The following SH3GL2 variants were observed in gnomAD, a reference collection of about 807,000 sequenced individuals.
SH3GL2 encodes SH3 domain containing GRB2 like 2, endophilin A1, also known as endophilin-A1.
A neutral mutation model predicts 46.0 loss-of-function variants in SH3GL2; 24 were observed. The ratio of observed to expected loss-of-function variants is 0.52; its 90% CI spans 0.38 to 0.73. The LOEUF (loss-of-function observed/expected upper bound fraction) is 0.73, where lower values mean the gene tolerates loss of function less well. SH3GL2 is among the 30% of genes least tolerant of loss of function. The pLI is 0.00. For missense variants in SH3GL2, 413 were observed against 424.2 expected (o/e 0.97, Z 0.23); for synonymous variants, 196 against 147.1 (o/e 1.33, Z -2.40).
intron 1 of SH3GL2, among the ~76,000 whole-genome samples, chr9:17,600,096 T>G (rs1202338658): frequency 6.6e-6 from 1 of 152,170 alleles, no homozygotes; most frequent in African/African-American, 2.4e-5. Context: ...GTTGGGATGT[T>G]TGAAATATTC....
intron 8 of SH3GL2, 53 bp from the exon 9 acceptor site, chr9:17,795,491 A>T (rs750944116): frequency 3.4e-6 from 5 of 1,456,048 alleles, no homozygotes; most frequent in Non-Finnish European, 4.8e-6. Flanking sequence ...TCTGTGAGTT[A>T]AATACCCCTT....
chr9:17,597,188 C>G (rs182652452), intron 1 of SH3GL2, among the ~76,000 whole-genome samples: 1 of 152,142 alleles, frequency 6.6e-6, no homozygotes. Context: ...TGCAAAACTT[C>G]GGGTTTTGGT....
intron 3 of SH3GL2, among the ~76,000 whole-genome samples, chr9:17,769,578 G>C (rs945896566): frequency 6.6e-6 from 1 of 152,036 alleles, no homozygotes; most frequent in Non-Finnish European, 1.5e-5. Context: ...TCCAGCTCCT[G>C]TTAATGTCTG....
chr9:17,768,095 G>C (rs575199714), intron 3 of SH3GL2, among the ~76,000 whole-genome samples: 1 of 152,210 alleles, frequency 6.6e-6, no homozygotes, highest in East Asian at 1.9e-4. Context: ...ATCAGGGCTG[G>C]GCACAGTAGC....
chr9:17,608,428 C>T (rs564950837), intron 1 of SH3GL2, among the ~76,000 whole-genome samples: 20 of 152,224 alleles, frequency 1.3e-4, no homozygotes, highest in East Asian at 3.9e-4. Context: ...TTCCTCTTAA[C>T]GGTCAAATCT....
intron 1 of SH3GL2, among the ~76,000 whole-genome samples, chr9:17,743,956 A>ATCACAGG (rs1190379877): frequency 6.6e-6 from 1 of 152,214 alleles, no homozygotes; most frequent in Non-Finnish European, 1.5e-5. Context: ...GAAATTAAAT[A>ATCACAGG]TCACAGGTCA....
At chr9:17,761,254 G>C (rs2131151345) in intron 2 of SH3GL2, among the ~76,000 whole-genome samples, 183 bp from the exon 3 acceptor site, 1 of 152,240 alleles carries the variant, frequency 6.6e-6, no homozygotes, top group East Asian at 1.9e-4. Flanking sequence ...TCCACATCTT[G>C]GCAGACCACT....
chr9:17,717,054 G>A (rs1053283001), intron 1 of SH3GL2, among the ~76,000 whole-genome samples: 3 of 152,028 alleles, frequency 2.0e-5, no homozygotes, highest in African/African-American at 7.2e-5. Context: ...GAACCTGGTA[G>A]CTATCTATAT....
At chr9:17,789,586 C>T (rs764703623) in intron 6 of SH3GL2, 36 bp downstream of exon 6, 4 of 1,609,236 alleles carry the variant, frequency 2.5e-6, no homozygotes, top group East Asian at 2.2e-5. Flanking sequence ...TTAATCTTAT[C>T]ATCGAGGCAC....
chr9:17,726,999 A>G (rs1014887409), intron 1 of SH3GL2, among the ~76,000 whole-genome samples: 3 of 152,158 alleles, frequency 2.0e-5, no homozygotes, highest in African/African-American at 7.2e-5. Flanking sequence ...AGCAGGAGAC[A>G]TTAATAGAGA....
chr9:17,708,294 G>T (rs78904938), intron 1 of SH3GL2, among the ~76,000 whole-genome samples: 12,060 of 151,934 alleles, frequency 0.079, 628 homozygotes, highest in Admixed American at 0.14. Flanking sequence ...GTTTGGTTTT[G>T]ATAGTGAGAC....
intron 3 of SH3GL2, among the ~76,000 whole-genome samples, chr9:17,769,681 C>T (rs772738717): frequency 6.6e-6 from 1 of 151,970 alleles, no homozygotes; most frequent in Non-Finnish European, 1.5e-5. Flanking sequence ...TCTCCTCATC[C>T]CTCTCATACC....
intron 5 of SH3GL2, among the ~76,000 whole-genome samples, chr9:17,787,942 C>G (rs1277122727): frequency 1.3e-5 from 2 of 152,042 alleles, no homozygotes; most frequent in East Asian, 3.9e-4. Context: ...TTTTCCAAGT[C>G]TAGAAATTAG....
chr9:17,653,968 G>T, intron 1 of SH3GL2: 1 of 418,040 alleles, frequency 2.4e-6, no homozygotes, highest in Non-Finnish European at 3.2e-6. Context: ...TTAAACTCTG[G>T]GAAGAGCAGT....
At chr9:17,698,966 C>T (rs1821275914) in intron 1 of SH3GL2, among the ~76,000 whole-genome samples, 2 of 151,842 alleles carry the variant, frequency 1.3e-5, no homozygotes, top group Admixed American at 6.6e-5. Flanking sequence ...ACCATCCTGG[C>T]CAACATGGTG....
At chr9:17,743,055 A>G (rs1487415029) in intron 1 of SH3GL2, among the ~76,000 whole-genome samples, 1 of 152,250 alleles carries the variant, frequency 6.6e-6, no homozygotes, top group Non-Finnish European at 1.5e-5. Flanking sequence ...CATCAAATAA[A>G]CAGTACCAGG....
At chr9:17,675,127 G>A (rs1468090711) in intron 1 of SH3GL2, among the ~76,000 whole-genome samples, 2 of 152,156 alleles carry the variant, frequency 1.3e-5, no homozygotes, top group Non-Finnish European at 2.9e-5. Flanking sequence ...TTTCTTTGTG[G>A]TAGTCATCTC....
At chr9:17,754,343 C>G (rs751499672) in intron 2 of SH3GL2, among the ~76,000 whole-genome samples, 1 of 152,092 alleles carries the variant, frequency 6.6e-6, no homozygotes, top group Non-Finnish European at 1.5e-5. Context: ...TTTGTATCAT[C>G]TCTGATTTCT....
intron 1 of SH3GL2, among the ~76,000 whole-genome samples, chr9:17,608,292 C>T (rs766225084): frequency 4.6e-5 from 7 of 151,814 alleles, no homozygotes; most frequent in African/African-American, 1.5e-4. Context: ...GGACTACAGG[C>T]GCCCACCACC....
Sources: allele counts gnomAD v4.1 joint callset (sites outside exome capture counted in the v4.1 genomes callset), GRCh38; gene constraint gnomAD v4.1.1; transcripts MANE v1.5; gene names NCBI Gene and HGNC (gene_info 2026-07-23, HGNC 2026-07-21).